Variants in UNC5D observed in about 807,000 individuals in gnomAD.
The protein encoded by UNC5D is unc-5 netrin receptor D, also known as netrin receptor UNC5D.
In UNC5D, 39 loss-of-function variants were observed where a neutral mutation model predicts 105.4. That is an observed-to-expected ratio of 0.37 (90% CI 0.29 to 0.48). The LOEUF (loss-of-function observed/expected upper bound fraction) is 0.48. UNC5D is among the 20% of genes least tolerant of loss of function. The pLI is 0.98. For missense variants in UNC5D, 991 were observed against 1,202.4 expected (o/e 0.82, Z 2.60); for synonymous variants, 452 against 450.4 (o/e 1.00, Z -0.04).
intron 1 of UNC5D, among the ~76,000 whole-genome samples, chr8:35,311,581 T>C (rs1168245861): frequency 1.3e-5 from 2 of 152,096 alleles, no homozygotes; most frequent in African/African-American, 4.8e-5. Context: ...TATGTCAGGG[T>C]GGAGATCATT....
chr8:35,402,751 C>T (rs986906924), intron 1 of UNC5D, among the ~76,000 whole-genome samples: 1 of 152,098 alleles, frequency 6.6e-6, no homozygotes, highest in Admixed American at 6.6e-5. Flanking sequence ...CTCTTCTGAC[C>T]ATCCTTACTA....
chr8:35,492,776 C>T (rs1020821527), intron 1 of UNC5D, among the ~76,000 whole-genome samples: 1 of 151,984 alleles, frequency 6.6e-6, no homozygotes, highest in Non-Finnish European at 1.5e-5. Flanking sequence ...GGAGAAGATA[C>T]TAGTCTGTAA....
At chr8:35,305,569 T>TTCCTTC (rs1563297565) in intron 1 of UNC5D, among the ~76,000 whole-genome samples, 5 of 39,064 alleles carry the variant, frequency 1.3e-4, no homozygotes, top group African/African-American at 6.1e-4. Flanking sequence ...CTTCCTTTCT[T>TTCCTTC]TCTTTCTTTT....
At chr8:35,691,701 C>T (rs528459764) in intron 7 of UNC5D, among the ~76,000 whole-genome samples, 2 of 152,294 alleles carry the variant, frequency 1.3e-5, no homozygotes, top group South Asian at 4.1e-4. Flanking sequence ...AGCTTGAACA[C>T]CAGAATCAGG....
chr8:35,644,424 G>C (rs996422472), intron 4 of UNC5D, among the ~76,000 whole-genome samples: 4 of 152,118 alleles, frequency 2.6e-5, no homozygotes, highest in Admixed American at 2.6e-4. Flanking sequence ...GTCGATTTCT[G>C]CTGATTCAAC....
At chr8:35,569,249 A>G (rs1171212637) in intron 3 of UNC5D, among the ~76,000 whole-genome samples, 1 of 152,088 alleles carries the variant, frequency 6.6e-6, no homozygotes, top group Non-Finnish European at 1.5e-5. Context: ...TTCCACCTCC[A>G]TGGATCCCCA....
At chr8:35,296,592 G>T (rs1157666694) in intron 1 of UNC5D, among the ~76,000 whole-genome samples, 1 of 152,042 alleles carries the variant, frequency 6.6e-6, no homozygotes, top group Non-Finnish European at 1.5e-5. Flanking sequence ...GCTAATATTT[G>T]TATTTTTGGT....
At chr8:35,691,917 G>C (rs1826426348) in intron 7 of UNC5D, among the ~76,000 whole-genome samples, 1 of 152,178 alleles carries the variant, frequency 6.6e-6, no homozygotes, top group African/African-American at 2.4e-5. Flanking sequence ...AAGGGCATTG[G>C]CTTGAGAAGA....
intron 4 of UNC5D, among the ~76,000 whole-genome samples, chr8:35,597,989 C>G (rs1819595599): frequency 6.6e-6 from 1 of 152,098 alleles, no homozygotes; most frequent in Non-Finnish European, 1.5e-5. Context: ...CAATCTCTCT[C>G]AGATGCACCA....
chr8:35,714,754 A>G (rs1056508507), intron 8 of UNC5D, among the ~76,000 whole-genome samples: 7 of 152,254 alleles, frequency 4.6e-5, no homozygotes, highest in South Asian at 2.1e-4. Flanking sequence ...TGGTTTAGGC[A>G]CATACAGACT....
At chr8:35,513,140 A>T (rs1812869682) in intron 1 of UNC5D, among the ~76,000 whole-genome samples, 1 of 151,062 alleles carries the variant, frequency 6.6e-6, no homozygotes, top group East Asian at 1.9e-4. Flanking sequence ...CGCACTTGCT[A>T]TTCTGGGTTT....
chr8:35,555,885 A>G (rs911393367), intron 2 of UNC5D, among the ~76,000 whole-genome samples: 4 of 83,202 alleles, frequency 4.8e-5, no homozygotes, highest in Non-Finnish European at 7.7e-5. Context: ...GCACACACAC[A>G]CACACACACA....
intron 2 of UNC5D, among the ~76,000 whole-genome samples, chr8:35,555,889 ACAC>A (rs1816512808): frequency 9.3e-6 from 1 of 108,022 alleles, no homozygotes; most frequent in Non-Finnish European, 1.7e-5. Context: ...ACACACACAC[ACAC>A]ACACACACAC....
chr8:35,714,611 G>A (rs1244784131), intron 8 of UNC5D, among the ~76,000 whole-genome samples: 1 of 152,210 alleles, frequency 6.6e-6, no homozygotes, highest in African/African-American at 2.4e-5. Flanking sequence ...AACTTCAAGA[G>A]AATCAAATTT....
chr8:35,700,910 A>AGAC (rs1371546127), intron 7 of UNC5D, among the ~76,000 whole-genome samples: 2 of 152,242 alleles, frequency 1.3e-5, no homozygotes, highest in African/African-American at 4.8e-5. Flanking sequence ...TACAAAAGGC[A>AGAC]GACTATTCTA....
rs370792523 is a variant in UNC5D, at chr8:35,300,402, G to A, written c.103+64515G>A. Among the ~76,000 whole-genome samples, 4 of 138,404 alleles carry A rather than the reference G, an allele frequency of 2.9e-5. No individual in the cohort carries two copies. The East Asian group carries it at 6.4e-4, about 22-fold the overall frequency. 90.8% of individuals were successfully genotyped at this position (138,404 alleles called of 152,430 possible). Reference sequence around the variant, plus strand: ...GTGGAGGTTGCAGTGAGCTGAGATTGTGCCACTGCACTCCAGCCTGGGCAA... The same window carrying A: ...GTGGAGGTTGCAGTGAGCTGAGATTATGCCACTGCACTCCAGCCTGGGCAA... On this transcript the variant is annotated intron_variant, in intron 1 of 16. Coordinates refer to ENST00000404895, the MANE Select transcript of UNC5D (RefSeq NM_080872.4).
At chr8:35,669,711 C>T (rs1006166320) in intron 4 of UNC5D, among the ~76,000 whole-genome samples, 6 of 152,070 alleles carry the variant, frequency 3.9e-5, no homozygotes, top group African/African-American at 1.4e-4. Flanking sequence ...ATTATTATCA[C>T]CAGCTCTTTA....
intron 13 of UNC5D, among the ~76,000 whole-genome samples, chr8:35,755,544 G>C (rs1830480961): frequency 6.6e-6 from 1 of 151,952 alleles, no homozygotes; most frequent in Non-Finnish European, 1.5e-5. Context: ...TAGCCTGCTT[G>C]TTTTAGTATC....
chr8:35,480,747 GAC>G (rs1810432751), intron 1 of UNC5D, among the ~76,000 whole-genome samples: 1 of 152,130 alleles, frequency 6.6e-6, no homozygotes, highest in Admixed American at 6.6e-5. Context: ...AGTGCTATGA[GAC>G]AAACAAATCG....
Sources: allele counts gnomAD v4.1 joint callset (sites outside exome capture counted in the v4.1 genomes callset), GRCh38; gene constraint gnomAD v4.1.1; transcripts MANE v1.5; gene names NCBI Gene and HGNC (gene_info 2026-07-23, HGNC 2026-07-21).